Variants in ENG observed in about 807,000 individuals in gnomAD.
ENG encodes the protein CD105 antigen.
ENG carries 17 observed loss-of-function variants against 71.0 expected under a neutral mutation model. The ratio of observed to expected loss-of-function variants is 0.24; its 90% CI spans 0.16 to 0.36. ENG has a LOEUF of 0.36. Among genes scored for constraint, ENG ranks in the 10% least tolerant of loss-of-function variants. The pLI, the probability that ENG is intolerant of heterozygous loss-of-function variation, is 1.00. For missense variants in ENG, 749 were observed against 868.3 expected (o/e 0.86, Z 1.73); for synonymous variants, 360 against 366.9 (o/e 0.98, Z 0.21).
intron 2 of ENG, among the ~76,000 whole-genome samples, chr9:127,833,026 G>A (rs1272792465): frequency 6.6e-6 from 1 of 152,180 alleles, no homozygotes; most frequent in East Asian, 1.9e-4. Context: ...CAAAGTGCTA[G>A]GATTATAGGC....
intron 2 of ENG, among the ~76,000 whole-genome samples, chr9:127,832,929 G>C (rs1830800686): frequency 6.6e-6 from 1 of 151,872 alleles, no homozygotes. Flanking sequence ...GCTAATTTTT[G>C]TATTTTTAGT....
In ENG at chr9:127,826,769, T is replaced by C. The variant is rs1036369789; in HGVS notation, c.361-97A>G. ...GGAAGTAATTTGTGGAGTCAGCCCA[T>C]TGGCTGAGAGAAAGAGGCCGGAGCT... On this transcript the variant is annotated intron_variant, in intron 3 of 14. Transcript: ENST00000373203. 1.2e-5 allele frequency: 18 copies of C among 1,502,966 alleles called. No homozygotes were observed. In the Admixed American group the frequency reaches 2.1e-4, roughly 17 times the overall value. The allele number at this position is 1,502,966 out of a possible 1,614,324, so 93.1% of individuals were successfully genotyped here. A position where few individuals can be genotyped will look rare whatever the true frequency, so the allele number is the denominator to read the frequency against.
intron 12 of ENG, 86 bp from the exon 13 acceptor site, chr9:127,817,289 C>G (rs1216530480): frequency 9.9e-6 from 14 of 1,412,034 alleles, no homozygotes; most frequent in Non-Finnish European, 1.4e-5. Flanking sequence ...CCAGCCCACC[C>G]TAGAGCCTTG....
chr9:127,840,725 C>T (rs146631781), intron 2 of ENG, among the ~76,000 whole-genome samples: 239 of 152,270 alleles, frequency 1.6e-3, no homozygotes, highest in Admixed American at 3.3e-3. Context: ...GTTTCCTGGA[C>T]CCCAGATGTC....
rs1379778949 is a variant in ENG at position 127,836,480 on chromosome 9, C to T, written c.219+6614G>A. ...TTCTAGGAGTGGAGCCTCAGGGCTG[C>T]CTGCAGCCCCCACCCTCCCAGGGCC... On this transcript the variant is annotated intron_variant, in intron 2 of 14. Transcript: ENST00000373203. The surrounding 1 kb of genome is among the most constrained non-coding windows in gnomAD (Gnocchi z 4.0). Among the ~76,000 whole-genome samples, 1 of 152,214 alleles carries T rather than the reference C, an allele frequency of 6.6e-6. No individual in the cohort carries two copies. Among genetic ancestry groups the T allele is most frequent in the African/African-American group, 2.4e-5 (1 of 41,460 alleles).
intron 2 of ENG, among the ~76,000 whole-genome samples, chr9:127,831,527 A>G (rs1017872016): frequency 2.0e-5 from 3 of 151,816 alleles, no homozygotes; most frequent in Admixed American, 2.0e-4. Context: ...AGCTGGGACT[A>G]TAGGCGCCCA....
chr9:127,817,174 C>A lies in ENG; in HGVS notation c.1716G>T (p.Leu572Phe). 1 of 1,614,182 alleles carries A rather than the reference C, an allele frequency of 6.2e-7. No individual in the cohort carries two copies. Among genetic ancestry groups the A allele is most frequent in the South Asian group, 1.1e-5 (1 of 91,084 alleles). The part of the protein sequence containing the change: ...QEVHRTVFMR[L>F]NIISPDLSGC... ...CAGACAGGTCAGGGCTGATGATGTT[C>A]AAGCGCATGAAGACAGTCCTATGGA... The change falls in exon 13 of 15, where the codon TTG becomes TTT. Residue 572 changes from leucine (L) to phenylalanine (F), a missense_variant. By Grantham distance (22) the Leu-to-Phe change is conservative. Transcript: ENST00000373203.
At chr9:127,828,443 C>T (rs1411157394) in intron 3 of ENG, among the ~76,000 whole-genome samples, 2 of 152,204 alleles carry the variant, frequency 1.3e-5, no homozygotes, top group Non-Finnish European at 2.9e-5. Context: ...AGGGAGCCCG[C>T]TCGGGAAGCA....
Position 127,816,034 on chromosome 9 carries a change from G to A in ENG, c.1761C>T (p.Leu587=), listed in dbSNP as rs546872552. ...PDLSGCTSKG[L]VLPAVLGITF... The stretch of plus-strand genomic sequence containing the variant: ...TGATGCCCAGCACGGCGGGCAGGAC[G>A]AGGCCTTTGCTTGTGCAACCTAGAG... Residue 587 remains leucine (L), a synonymous_variant, in exon 14 of 15, where the codon CTC becomes CTT. Coordinates refer to ENST00000373203, the MANE Select transcript of ENG (RefSeq NM_001114753.3). 61 of 1,610,324 alleles carry A rather than the reference G, an allele frequency of 3.8e-5. 1 individual carries two copies. The South Asian group carries it at 3.9e-4, about 10-fold the overall frequency.
At chr9:127,824,732 TCAC>T in intron 7 of ENG, 65 bp downstream of exon 7, 1 of 1,421,346 alleles carries the variant, frequency 7.0e-7, no homozygotes, top group Non-Finnish European at 9.2e-7. Context: ...CAGAGGTGCT[TCAC>T]CAACAGTGTG....
chr9:127,825,975 G>C lies in ENG; in HGVS notation c.524-115C>G. On this transcript the variant is annotated intron_variant, in intron 4 of 14. Coordinates refer to ENST00000373203, the MANE Select transcript of ENG (RefSeq NM_001114753.3). Reference sequence around the variant, plus strand: ...GGGCAGGCAGGACGGTGCTGCAGAGGGGGAGAGGCGTCAGAGGACCTAGGT... The same window carrying C: ...GGGCAGGCAGGACGGTGCTGCAGAGCGGGAGAGGCGTCAGAGGACCTAGGT... The C allele has an allele frequency of 8.0e-6, 11 of 1,376,894 alleles. No individual in the cohort carries two copies. In the South Asian group the frequency reaches 1.4e-4, roughly 17 times the overall value. The allele number at this position is 1,376,894 out of a possible 1,614,324, so 85.3% of individuals were successfully genotyped here. A position where few individuals can be genotyped will look rare whatever the true frequency, so the allele number is the denominator to read the frequency against.
At chr9:127,850,440 AGTCCCTCT>A (rs1831260738) in intron 1 of ENG, among the ~76,000 whole-genome samples, 1 of 152,202 alleles carries the variant, frequency 6.6e-6, no homozygotes. Context: ...ACCACAAGCA[AGTCCCTCT>A]GTCCCTCTGG....
chr9:127,850,544 C>T (rs1831262368), intron 1 of ENG, among the ~76,000 whole-genome samples: 1 of 152,248 alleles, frequency 6.6e-6, no homozygotes, highest in Non-Finnish European at 1.5e-5. Context: ...CTGGTTCACA[C>T]GGCTCCTGCT....
intron 2 of ENG, among the ~76,000 whole-genome samples, chr9:127,834,759 A>G (rs1830856422): frequency 6.6e-6 from 1 of 150,690 alleles, no homozygotes; most frequent in Non-Finnish European, 1.5e-5. Flanking sequence ...CAATGGTCTT[A>G]ATCTCTTGAC....
At chr9:127,818,426 C>A in intron 11 of ENG, 49 bp from the exon 12 acceptor site, 1 of 1,606,572 alleles carries the variant, frequency 6.2e-7, no homozygotes, top group East Asian at 2.2e-5. Flanking sequence ...CTCTTCACCC[C>A]ACCCCACCTG....
chr9:127,824,478 G>A (rs2032941915), intron 7 of ENG, 32 bp from the exon 8 acceptor site: 1 of 1,608,626 alleles, frequency 6.2e-7, no homozygotes, highest in African/African-American at 1.4e-5. Flanking sequence ...CCAGGCGGCT[G>A]GTCACTGTGT....
intron 3 of ENG, among the ~76,000 whole-genome samples, chr9:127,828,899 C>T (rs1396654468): frequency 6.6e-6 from 1 of 152,104 alleles, no homozygotes; most frequent in Non-Finnish European, 1.5e-5. Context: ...CCCTTCCTAC[C>T]CTCTGCTTTC....
At chr9:127,853,618 G>C (rs1407394824) in intron 1 of ENG, among the ~76,000 whole-genome samples, 1 of 152,244 alleles carries the variant, frequency 6.6e-6, no homozygotes, top group African/African-American at 2.4e-5. Flanking sequence ...GAGGGAGGCA[G>C]GGCAGGGCCC....
chr9:127,842,509 C>T (rs1023118352), intron 2 of ENG, among the ~76,000 whole-genome samples: 1 of 152,054 alleles, frequency 6.6e-6, no homozygotes, highest in Non-Finnish European at 1.5e-5. Flanking sequence ...ACTGCAACCT[C>T]CAACTCACTG....
Sources: gnomAD v4.1 joint callset for allele counts (sites outside exome capture counted in the v4.1 genomes callset) on GRCh38, gnomAD v4.1.1 for gene constraint, Gnocchi (gnomAD v3.1) non-coding constraint, MANE v1.5 for transcripts, NCBI Gene and HGNC (gene_info 2026-07-23, HGNC 2026-07-21) for gene names.